Variants in BCHE observed in about 807,000 individuals in gnomAD.
BCHE encodes butyrylcholinesterase.
A neutral mutation model predicts 51.3 loss-of-function variants in BCHE; 48 were observed. The observed-to-expected ratio is 0.94, with a 90% CI of 0.74 to 1.19. The LOEUF (loss-of-function observed/expected upper bound fraction) is 1.19. Among genes scored for constraint, BCHE ranks in the 50% most tolerant of loss-of-function variants. The pLI is 0.00. For synonymous variants in BCHE, 251 were observed against 238.0 expected (o/e 1.05, Z -0.50); for missense variants, 847 against 708.2 (o/e 1.20, Z -2.23).
rs192011085 is a variant in BCHE at position 165,823,145 on chromosome 3, A to G, written c.1517+6372T>C. Among the ~76,000 whole-genome samples, 804 of 152,266 alleles carry G rather than the reference A, an allele frequency of 5.3e-3. 4 individuals carry two copies. Among genetic ancestry groups the G allele is most frequent in the African/African-American group, 0.018 (756 of 41,588 alleles). The stretch of plus-strand genomic sequence containing the variant: ...AGGCCTAAATTATATTATGACTTCT[A>G]TTCTGTAAGAAATCTTAAAACACTG... On this transcript the variant is annotated intron_variant, in intron 2 of 3. Transcript: ENST00000264381.
intron 2 of BCHE, among the ~76,000 whole-genome samples, chr3:165,792,603 C>G (rs748212126): frequency 3.0e-4 from 46 of 152,102 alleles, no homozygotes; most frequent in Non-Finnish European, 6.5e-4. Context: ...TTTATTGTTA[C>G]CTCTCTAATA....
intron 2 of BCHE, among the ~76,000 whole-genome samples, chr3:165,805,296 T>A (rs1290795973): frequency 1.3e-5 from 2 of 152,154 alleles, no homozygotes; most frequent in African/African-American, 4.8e-5. Context: ...ATCTTCACGA[T>A]CAGTCAGGCA....
intron 2 of BCHE, among the ~76,000 whole-genome samples, chr3:165,806,412 G>A (rs934803781): frequency 5.3e-5 from 8 of 152,246 alleles, no homozygotes; most frequent in Non-Finnish European, 7.4e-5. Context: ...GTTAATCATA[G>A]TATAGTTCTC....
chr3:165,802,239 T>C (rs576999807), intron 2 of BCHE, among the ~76,000 whole-genome samples: 2 of 152,328 alleles, frequency 1.3e-5, no homozygotes, highest in East Asian at 3.9e-4. Flanking sequence ...GAGACCAAGT[T>C]GGTTGAGTAT....
chr3:165,788,197 G>T (rs1713030115), intron 2 of BCHE, among the ~76,000 whole-genome samples: 1 of 151,876 alleles, frequency 6.6e-6, no homozygotes, highest in African/African-American at 2.4e-5. Context: ...CATCCAGTAT[G>T]GTTATCAAGA....
At chr3:165,787,023 T>C (rs1021023827) in intron 2 of BCHE, among the ~76,000 whole-genome samples, 1 of 151,806 alleles carries the variant, frequency 6.6e-6, no homozygotes, top group Non-Finnish European at 1.5e-5. Context: ...TCCCTCCTTT[T>C]TTCATTTCTT....
intron 3 of BCHE, among the ~76,000 whole-genome samples, chr3:165,781,387 G>A (rs1014235439): frequency 6.6e-6 from 1 of 152,130 alleles, no homozygotes; most frequent in African/African-American, 2.4e-5. Context: ...ATATACCATG[G>A]AATACTATGA....
intron 2 of BCHE, among the ~76,000 whole-genome samples, chr3:165,816,065 C>G (rs571820899): frequency 6.6e-5 from 10 of 151,624 alleles, no homozygotes; most frequent in Non-Finnish European, 1.3e-4. Flanking sequence ...GGGCACAGTA[C>G]AAGTCAATAG....
chr3:165,826,168 A>G (rs967517199), intron 2 of BCHE, among the ~76,000 whole-genome samples: 2 of 152,188 alleles, frequency 1.3e-5, no homozygotes, highest in African/African-American at 2.4e-5. Context: ...AAGAGAAAAA[A>G]AACATCTTCT....
At chr3:165,811,034 A>G (rs894207839) in intron 2 of BCHE, among the ~76,000 whole-genome samples, 1 of 152,200 alleles carries the variant, frequency 6.6e-6, no homozygotes, top group African/African-American at 2.4e-5. Context: ...CAGTGACGAT[A>G]CAAGTAGAGC....
At position 165,829,856 on chromosome 3, in the gene BCHE, C is replaced by A. The variant is rs747438953; in HGVS notation, c.1178G>T (p.Gly393Val). 6.2e-7 allele frequency: 1 copy of A among 1,612,654 alleles called. No homozygotes were observed. The change falls in exon 2 of 4, where the codon GGA (glycine) becomes GTA (valine). Residue 393 changes from glycine (G) to valine (V), a missense_variant. Gly to Val is a moderately radical substitution (Grantham distance 109, BLOSUM62 -3). Coordinates refer to ENST00000264381, the MANE Select transcript of BCHE (RefSeq NM_000055.4). The stretch of plus-strand genomic sequence containing the variant: ...GTAATGAAAAAGGATGGATTCCTTT[C>A]CAAACTCACTCACTCCTGGAAAAAA... ...KIFFPGVSEF[G>V]KESILFHYTD... is the part of the protein sequence containing the mutation.
chr3:165,776,077 A>G (rs928546649), intron 3 of BCHE, among the ~76,000 whole-genome samples: 1 of 151,958 alleles, frequency 6.6e-6, no homozygotes, highest in African/African-American at 2.4e-5. Flanking sequence ...AGTGGCTGGA[A>G]CATCATAATA....
intron 3 of BCHE, among the ~76,000 whole-genome samples, chr3:165,781,363 A>G (rs1325384373): frequency 6.6e-6 from 1 of 152,348 alleles, no homozygotes; most frequent in African/African-American, 2.4e-5. Flanking sequence ...CTGGATAAAG[A>G]AAATGTGGCA....
intron 1 of BCHE, among the ~76,000 whole-genome samples, chr3:165,836,156 TAGG>T (rs1386369506): frequency 1.3e-5 from 2 of 151,912 alleles, no homozygotes; most frequent in South Asian, 2.1e-4. Context: ...AACAAAAAAT[TAGG>T]AGAACAAAAC....
At chr3:165,834,565 A>G (rs1715117334) in intron 1 of BCHE, among the ~76,000 whole-genome samples, 1 of 151,964 alleles carries the variant, frequency 6.6e-6, no homozygotes, top group African/African-American at 2.4e-5. Context: ...TATTTTTTAA[A>G]TAAGCATCAC....
intron 2 of BCHE, among the ~76,000 whole-genome samples, chr3:165,806,603 A>G (rs1418800847): frequency 6.6e-6 from 1 of 152,224 alleles, no homozygotes; most frequent in Non-Finnish European, 1.5e-5. Flanking sequence ...ATAGTAAATC[A>G]TACAGATGTG....
At chr3:165,811,331 T>TA (rs1714084461) in intron 2 of BCHE, among the ~76,000 whole-genome samples, 1 of 152,082 alleles carries the variant, frequency 6.6e-6, no homozygotes, top group Non-Finnish European at 1.5e-5. Flanking sequence ...TTACATTTGA[T>TA]ACCTAAGGAA....
At chr3:165,826,049 T>C (rs1714709662) in intron 2 of BCHE, among the ~76,000 whole-genome samples, 1 of 152,076 alleles carries the variant, frequency 6.6e-6, no homozygotes, top group Non-Finnish European at 1.5e-5. Context: ...TCACTGCTTT[T>C]GGGAGTATAA....
intron 2 of BCHE, among the ~76,000 whole-genome samples, chr3:165,820,001 T>TA (rs57059721): frequency 0.025 from 3,733 of 152,168 alleles, 149 homozygotes; most frequent in African/African-American, 0.087. Flanking sequence ...TTTTTCCAAC[T>TA]AAAAAACATG....
Sources: allele counts gnomAD v4.1 joint callset (sites outside exome capture counted in the v4.1 genomes callset), GRCh38; gene constraint gnomAD v4.1.1; transcripts MANE v1.5; gene names NCBI Gene and HGNC (gene_info 2026-07-23, HGNC 2026-07-21).